The following HDGFL2 variants were observed in gnomAD, a reference collection of about 807,000 sequenced individuals.
The protein encoded by HDGFL2 is HDGF like 2.
HDGFL2 carries 36 observed loss-of-function variants against 77.1 expected under a neutral mutation model. The observed-to-expected ratio is 0.47, with a 90% confidence interval of 0.36 to 0.62. The LOEUF is 0.62. Among genes scored for constraint, HDGFL2 ranks in the 20% least tolerant of loss-of-function variants. The pLI, the probability that HDGFL2 is intolerant of heterozygous loss-of-function variation, is 0.00. For synonymous variants in HDGFL2, 463 were observed against 413.1 expected (o/e 1.12, Z -1.46); for missense variants, 976 against 973.4 (o/e 1.00, Z -0.04).
chr19:4,501,679 GTCACTCAC>G, intron 15 of HDGFL2: 1 of 500,364 alleles, frequency 2.0e-6, no homozygotes, highest in South Asian at 3.4e-5. Flanking sequence ...GCTCAGTGGA[GTCACTCAC>G]TTACCCAGCA....
At chr19:4,495,583 G>A (rs1975681466) in intron 9 of HDGFL2, among the ~76,000 whole-genome samples, 2 of 151,920 alleles carry the variant, frequency 1.3e-5, no homozygotes, top group African/African-American at 4.8e-5. Flanking sequence ...GAAAAGGAGG[G>A]CGGTGGGGAA....
chr19:4,501,070 G>A, intron 14 of HDGFL2, 121 bp from the exon 15 acceptor site: 1 of 1,216,020 alleles, frequency 8.2e-7, no homozygotes, highest in Non-Finnish European at 1.1e-6. Flanking sequence ...GGGTCCAGGT[G>A]GATGGGCATG....
chr19:4,475,618 C>T (rs1305624539), intron 3 of HDGFL2, 35 bp downstream of exon 3: 13 of 1,540,806 alleles, frequency 8.4e-6, no homozygotes, highest in South Asian at 1.3e-5. Flanking sequence ...GTGTGAAGCG[C>T]GCTACTGATG....
chr19:4,478,528 G>T (rs1020670140), intron 3 of HDGFL2, among the ~76,000 whole-genome samples: 2 of 151,880 alleles, frequency 1.3e-5, no homozygotes, highest in African/African-American at 2.4e-5. Context: ...CAGCCTTAGC[G>T]CAACTACTAA....
At chr19:4,481,657 A>G (rs931449236) in intron 3 of HDGFL2, among the ~76,000 whole-genome samples, 1 of 149,942 alleles carries the variant, frequency 6.7e-6, no homozygotes, top group Non-Finnish European at 1.5e-5. Context: ...AGATTTCACT[A>G]TGTTGGCCAG....
chr19:4,483,883 G>C (rs1975288446), intron 3 of HDGFL2, among the ~76,000 whole-genome samples: 1 of 146,052 alleles, frequency 6.8e-6, no homozygotes, highest in African/African-American at 2.6e-5. Context: ...TCTGCCTCTC[G>C]TGTTCAAGCG....
chr19:4,501,421 C>T (rs748834530), intron 15 of HDGFL2, 104 bp downstream of exon 15: 2 of 1,359,626 alleles, frequency 1.5e-6, no homozygotes, highest in South Asian at 1.5e-5. Flanking sequence ...TGGGATGGGT[C>T]CCAGGGATGT....
intron 4 of HDGFL2, among the ~76,000 whole-genome samples, chr19:4,491,246 ACCACCCAC>A (rs1568211720): frequency 1.5e-4 from 4 of 27,252 alleles, no homozygotes; most frequent in East Asian, 1.2e-3. Flanking sequence ...ACTCACTCCC[ACCACCCAC>A]CCCCCCACCC....
At position 4,502,125 on chromosome 19, in the gene HDGFL2, T is replaced by G. The variant is rs754735070; in HGVS notation, c.*115T>G. 2.5e-6 allele frequency: 2 copies of G among 790,250 alleles called. No homozygotes were observed. Among genetic ancestry groups the G allele is most frequent in the South Asian group, 3.0e-5 (2 of 66,988 alleles). 49.0% of individuals were successfully genotyped at this position (790,250 alleles called of 1,614,324 possible). A position where few individuals can be genotyped will look rare whatever the true frequency, so the allele number is the denominator to read the frequency against. On this transcript the variant is annotated 3_prime_UTR_variant, in exon 16 of 16. Coordinates refer to ENST00000616600, the MANE Select transcript of HDGFL2 (RefSeq NM_001001520.3). ...GGAACGCTGTGCTGTTTGTATTTGT[T>G]CCCTTGGGTTTTTTTTTCCTGCCTA...
chr19:4,489,602 C>A (rs1007247064), intron 4 of HDGFL2, among the ~76,000 whole-genome samples: 1 of 152,074 alleles, frequency 6.6e-6, no homozygotes, highest in Non-Finnish European at 1.5e-5. Flanking sequence ...CAGGGTTTCA[C>A]CATGTTGGCC....
At chr19:4,484,175 C>T (rs567883391) in intron 3 of HDGFL2, among the ~76,000 whole-genome samples, 2 of 147,372 alleles carry the variant, frequency 1.4e-5, no homozygotes, top group South Asian at 4.3e-4. Flanking sequence ...TCTCTGCCTC[C>T]CAGGTTCAAG....
intron 3 of HDGFL2, among the ~76,000 whole-genome samples, chr19:4,478,341 T>G (rs565219079): frequency 6.6e-6 from 1 of 151,820 alleles, no homozygotes; most frequent in South Asian, 2.1e-4. Context: ...TAGCTGGGAC[T>G]ATGGGCGCCC....
chr19:4,478,875 G>A (rs1016669557), intron 3 of HDGFL2, among the ~76,000 whole-genome samples: 14 of 151,168 alleles, frequency 9.3e-5, no homozygotes, highest in Non-Finnish European at 1.9e-4. Context: ...TAGTAGAGAC[G>A]GGTTTCACCA....
intron 3 of HDGFL2, among the ~76,000 whole-genome samples, chr19:4,485,258 CTG>C (rs1975331115): frequency 6.6e-6 from 1 of 152,232 alleles, no homozygotes; most frequent in African/African-American, 2.4e-5. Flanking sequence ...GAATCACACA[CTG>C]TGTGGCCTTT....
Position 4,491,513 on chromosome 19 carries a change from T to C in HDGFL2, c.490-53T>C, listed in dbSNP as rs1599715018. 3.3e-6 allele frequency: 5 copies of C among 1,536,764 alleles called. No individual in the cohort carries two copies. The Admixed American group carries it at 6.8e-5, about 21-fold the overall frequency. The stretch of plus-strand genomic sequence containing the variant: ...GGTGGGCAGTCAGCTGGGGGCTTCC[T>C]GCCAGGAGCCCGGCCTTCCCATCAC... On this transcript the variant is annotated intron_variant, in intron 4 of 15. Transcript: ENST00000616600.
At chr19:4,490,317 C>A (rs1975474304) in intron 4 of HDGFL2, among the ~76,000 whole-genome samples, 1 of 152,196 alleles carries the variant, frequency 6.6e-6, no homozygotes, top group Non-Finnish European at 1.5e-5. Flanking sequence ...GAACTCCTGA[C>A]CTCCTGATCA....
chr19:4,501,775 G>A (rs923562573), intron 15 of HDGFL2, 136 bp from the exon 16 acceptor site: 1 of 610,466 alleles, frequency 1.6e-6, no homozygotes, highest in Non-Finnish European at 2.7e-6. Context: ...CAGAAGACAG[G>A]CAGATAGGAG....
At chr19:4,498,958 C>A in intron 13 of HDGFL2, 43 bp downstream of exon 13, 1 of 1,432,620 alleles carries the variant, frequency 7.0e-7, no homozygotes, top group Non-Finnish European at 9.6e-7. Flanking sequence ...GTCGGGGGAG[C>A]TGGGAGCAAG....
chr19:4,475,285 T>G lies in HDGFL2; in HGVS notation c.83T>G (p.Ile28Ser). 2 of 1,613,966 alleles carry G rather than the reference T, an allele frequency of 1.2e-6. No individual in the cohort carries two copies. The highest frequency in any genetic ancestry group is 1.7e-6 in the Non-Finnish European group (2 of 1,179,972). ...YPHWPARIDD[I>S]ADGAVKPPPN... ...GGCCTCTCACTGCAGATCGACGACA[T>G]CGCGGATGGCGCCGTGAAGCCCCCA... The change falls in exon 2 of 16, where the codon ATC becomes AGC. Residue 28 changes from isoleucine to serine, a missense_variant. By Grantham distance (142) the Ile-to-Ser change is moderately radical (BLOSUM62 -2). Around this residue, in one of 5 missense-constraint regions of HDGFL2, gnomAD observed 103 missense variants for 145.7 expected, o/e 0.71. Transcript: ENST00000616600.
Sources: gnomAD v4.1 joint callset for allele counts (sites outside exome capture counted in the v4.1 genomes callset) on GRCh38, gnomAD v4.1.1 for gene constraint, gnomAD v4.1.1 regional missense constraint, MANE v1.5 for transcripts, NCBI Gene and HGNC (gene_info 2026-07-23, HGNC 2026-07-21) for gene names.